The following HS3ST5 variants were observed in gnomAD, a reference collection of about 807,000 sequenced individuals.
HS3ST5 encodes the protein heparan sulfate glucosamine 3-O-sulfotransferase 5.
In HS3ST5, 10 loss-of-function variants were observed where a neutral mutation model predicts 25.4. The observed-to-expected ratio is 0.39, with a 90% CI of 0.24 to 0.67. The LOEUF (loss-of-function observed/expected upper bound fraction) is 0.67. Among genes scored for constraint, HS3ST5 ranks in the 30% least tolerant of loss-of-function variants. The probability of loss-of-function intolerance (pLI) is 0.44; values close to 1 mark genes in which losing one functional copy is unlikely to be tolerated. For synonymous variants in HS3ST5, 170 were observed against 162.4 expected (o/e 1.05, Z -0.36); for missense variants, 324 against 420.7 (o/e 0.77, Z 2.01).
At chr6:114,115,445 C>T (rs1250092569) in intron 3 of HS3ST5, among the ~76,000 whole-genome samples, 2 of 151,972 alleles carry the variant, frequency 1.3e-5, no homozygotes, top group Non-Finnish European at 2.9e-5. Context: ...TTGGTCTAGT[C>T]CTGCTATAAA....
In HS3ST5 at chr6:114,057,350, C is replaced by A. The variant is rs766521312; in HGVS notation, c.948G>T (p.Val316=). ...AGSKGRIHPE[V]DPSVITKLRK... is the part of the protein sequence containing the mutation. ...GCAATTTAGTAATGACAGAGGGGTC[C>A]ACCTCTGGATGAATGCGCCCCTTGC... The change falls in exon 5 of 5, where the codon GTG becomes GTT. Residue 316 remains valine (V), a synonymous_variant. Coordinates refer to ENST00000312719, the MANE Select transcript of HS3ST5 (RefSeq NM_153612.4). 1 of 1,613,994 alleles carries A rather than the reference C, an allele frequency of 6.2e-7. No homozygotes were observed. Among genetic ancestry groups the A allele is most frequent in the South Asian group, 1.1e-5 (1 of 91,070 alleles).
At chr6:114,333,507 A>G (rs964424577) in intron 1 of HS3ST5, among the ~76,000 whole-genome samples, 1 of 152,200 alleles carries the variant, frequency 6.6e-6, no homozygotes, top group South Asian at 2.1e-4. Context: ...CCCAAAGTAA[A>G]TGCTGCTATA....
intron 3 of HS3ST5, among the ~76,000 whole-genome samples, chr6:114,165,803 A>G (rs939519767): frequency 3.9e-5 from 6 of 152,112 alleles, no homozygotes; most frequent in African/African-American, 7.2e-5. Context: ...AACTCTCTGG[A>G]TTTTAGCTTC....
chr6:114,250,425 C>CA (rs1772601843), intron 1 of HS3ST5, among the ~76,000 whole-genome samples: 1 of 151,876 alleles, frequency 6.6e-6, no homozygotes, highest in Non-Finnish European at 1.5e-5. Context: ...ACTAAAAATA[C>CA]AAAAAATTAG....
At chr6:114,202,332 C>T (rs1045772065) in intron 2 of HS3ST5, among the ~76,000 whole-genome samples, 3 of 152,128 alleles carry the variant, frequency 2.0e-5, no homozygotes, top group African/African-American at 7.2e-5. Context: ...CTGCTGCCTT[C>T]CTCCCATTGT....
intron 1 of HS3ST5, among the ~76,000 whole-genome samples, chr6:114,323,855 G>C (rs1421244639): frequency 6.6e-6 from 1 of 152,146 alleles, no homozygotes; most frequent in Non-Finnish European, 1.5e-5. Flanking sequence ...ATTCTCAAAA[G>C]GCAAACACAG....
At chr6:114,134,522 G>GT (rs1777497745) in intron 3 of HS3ST5, among the ~76,000 whole-genome samples, 2 of 152,202 alleles carry the variant, frequency 1.3e-5, no homozygotes, top group Admixed American at 6.5e-5. Flanking sequence ...ACAGGAAGCA[G>GT]GACCTGCAGT....
chr6:114,280,998 G>T (rs1182766331), intron 1 of HS3ST5, among the ~76,000 whole-genome samples: 2 of 151,942 alleles, frequency 1.3e-5, no homozygotes, highest in Non-Finnish European at 2.9e-5. Context: ...TTATAAGAAA[G>T]ATAAGCCTTA....
chr6:114,267,700 CA>C (rs1773467986), intron 1 of HS3ST5, among the ~76,000 whole-genome samples: 1 of 152,264 alleles, frequency 6.6e-6, no homozygotes, highest in East Asian at 1.9e-4. Context: ...GGCCAAGTTG[CA>C]GTTGGTCTTT....
chr6:114,215,518 A>T (rs1473938791), intron 2 of HS3ST5, among the ~76,000 whole-genome samples: 1 of 151,928 alleles, frequency 6.6e-6, no homozygotes, highest in Non-Finnish European at 1.5e-5. Context: ...CATGGATATG[A>T]CCCTTCTGCC....
intron 1 of HS3ST5, among the ~76,000 whole-genome samples, chr6:114,273,792 G>A (rs1773731209): frequency 6.6e-6 from 1 of 152,030 alleles, no homozygotes; most frequent in African/African-American, 2.4e-5. Flanking sequence ...TTTCAGGGGA[G>A]TTGTGGGGTG....
intron 1 of HS3ST5, among the ~76,000 whole-genome samples, chr6:114,272,357 A>G (rs7775945): frequency 0.038 from 5,835 of 152,208 alleles, 171 homozygotes; most frequent in African/African-American, 0.082. Context: ...AAAAAGGTCA[A>G]GGTGTCTCTC....
At chr6:114,110,743 C>G (rs1374979251) in intron 3 of HS3ST5, among the ~76,000 whole-genome samples, 7 of 152,110 alleles carry the variant, frequency 4.6e-5, no homozygotes, top group Admixed American at 2.0e-4. Flanking sequence ...ACAGGTGAGG[C>G]TATTAAAAGT....
At chr6:114,183,549 A>G (rs927098834) in intron 2 of HS3ST5, among the ~76,000 whole-genome samples, 2 of 152,134 alleles carry the variant, frequency 1.3e-5, no homozygotes, top group African/African-American at 4.8e-5. Flanking sequence ...ATAATCTCCT[A>G]TTGGTTCTGT....
intron 3 of HS3ST5, among the ~76,000 whole-genome samples, chr6:114,117,360 C>T (rs1562203466): frequency 6.6e-6 from 1 of 152,082 alleles, no homozygotes; most frequent in African/African-American, 2.4e-5. Flanking sequence ...CAAAATATTT[C>T]TCCACGCAAA....
intron 1 of HS3ST5, among the ~76,000 whole-genome samples, chr6:114,319,606 A>G (rs553691848): frequency 5.6e-4 from 85 of 152,260 alleles, no homozygotes; most frequent in Non-Finnish European, 1.2e-3. Context: ...TTTTCCAGAG[A>G]GTATAAATAT....
intron 3 of HS3ST5, among the ~76,000 whole-genome samples, chr6:114,146,718 G>A (rs779411139): frequency 6.6e-5 from 10 of 152,134 alleles, no homozygotes; most frequent in East Asian, 5.8e-4. Context: ...GGCTTGGTGC[G>A]TCTTTGCAAT....
intron 1 of HS3ST5, among the ~76,000 whole-genome samples, chr6:114,302,589 C>T (rs184191159): frequency 8.5e-5 from 13 of 152,122 alleles, no homozygotes; most frequent in Admixed American, 5.2e-4. Flanking sequence ...AGCAGAGATG[C>T]GGGGTACAAT....
chr6:114,340,630 T>C (rs1404867003), intron 1 of HS3ST5: 2 of 152,206 alleles, frequency 1.3e-5, no homozygotes, highest in African/African-American at 2.4e-5. Context: ...GTAGTATTGT[T>C]TTCATTTCTT....
Sources: gnomAD v4.1 joint callset for allele counts (sites outside exome capture counted in the v4.1 genomes callset) on GRCh38, gnomAD v4.1.1 for gene constraint, MANE v1.5 for transcripts, NCBI Gene and HGNC (gene_info 2026-07-23, HGNC 2026-07-21) for gene names.